The following CTNNA2 variants were observed in gnomAD, a reference collection of about 807,000 sequenced individuals.
The protein encoded by CTNNA2 is catenin alpha 2.
A neutral mutation model predicts 101.0 loss-of-function variants in CTNNA2; 42 were observed. The observed-to-expected ratio is 0.42, with a 90% CI of 0.32 to 0.54. The LOEUF is 0.54. Ranked by LOEUF, CTNNA2 falls within the 20% of genes least tolerant of loss-of-function variation. CTNNA2 has a pLI of 0.14. For synonymous variants in CTNNA2, 450 were observed against 456.4 expected (o/e 0.99, Z 0.18); for missense variants, 871 against 1,223.1 (o/e 0.71, Z 4.29).
chr2:79,274,283 T>C (rs986828705), intron 2 of CTNNA2, among the ~76,000 whole-genome samples: 27 of 152,166 alleles, frequency 1.8e-4, no homozygotes, highest in Admixed American at 1.8e-3. Context: ...GCTTAATTAG[T>C]ATTACAAAGT....
At chr2:80,285,663 G>T (rs1674704117) in intron 7 of CTNNA2, among the ~76,000 whole-genome samples, 1 of 152,138 alleles carries the variant, frequency 6.6e-6, no homozygotes, top group Non-Finnish European at 1.5e-5. Flanking sequence ...GAGAAGCCAG[G>T]ACTCCCAGTG....
chr2:80,236,503 T>C (rs1428472718), intron 7 of CTNNA2, among the ~76,000 whole-genome samples: 1 of 152,176 alleles, frequency 6.6e-6, no homozygotes, highest in Non-Finnish European at 1.5e-5. Context: ...GCCTTCTCAT[T>C]ACTTAGTGCC....
intron 2 of CTNNA2, among the ~76,000 whole-genome samples, chr2:79,718,669 C>A (rs1686266414): frequency 1.3e-5 from 2 of 152,116 alleles, no homozygotes. Context: ...TAGATTAAGA[C>A]CGTATATACA....
At chr2:79,685,084 C>G (rs1028564659) in intron 2 of CTNNA2, among the ~76,000 whole-genome samples, 2 of 152,034 alleles carry the variant, frequency 1.3e-5, no homozygotes, top group Non-Finnish European at 2.9e-5. Context: ...TAATAGATTT[C>G]CTGATATTAA....
chr2:79,260,655 C>T (rs571175910), intron 2 of CTNNA2, among the ~76,000 whole-genome samples: 2 of 152,234 alleles, frequency 1.3e-5, no homozygotes, highest in East Asian at 3.9e-4. Flanking sequence ...TCTTCAGGTT[C>T]GCACATTCTG....
At chr2:80,228,836 G>T (rs756251901) in intron 7 of CTNNA2, among the ~76,000 whole-genome samples, 1 of 152,112 alleles carries the variant, frequency 6.6e-6, no homozygotes, top group African/African-American at 2.4e-5. Context: ...CTTATGATTG[G>T]ACTAGCCTTG....
chr2:79,967,382 T>C (rs1222301754), intron 7 of CTNNA2, among the ~76,000 whole-genome samples: 1 of 152,118 alleles, frequency 6.6e-6, no homozygotes, highest in East Asian at 1.9e-4. Flanking sequence ...AGTCTTCTCC[T>C]TCAAAAGGTC....
chr2:79,669,815 C>T (rs569504306), intron 2 of CTNNA2, among the ~76,000 whole-genome samples: 1 of 152,200 alleles, frequency 6.6e-6, no homozygotes, highest in Non-Finnish European at 1.5e-5. Flanking sequence ...CTGGCTGAGC[C>T]CAGGGCTTTT....
chr2:80,501,304 C>G (rs1687861764), intron 9 of CTNNA2, among the ~76,000 whole-genome samples: 1 of 152,208 alleles, frequency 6.6e-6, no homozygotes, highest in Non-Finnish European at 1.5e-5. Context: ...AAAAATATAT[C>G]ACCGTAACTC....
rs147246331 is a variant in CTNNA2, at chr2:80,493,343, G to A, written c.1291-51639G>A. ...TGCAAATGTTGCCACGGTGATCAGCGTCTCTGGTTTCTCTGGGAACCCTCT... is the reference window on the plus strand; with the variant it reads ...TGCAAATGTTGCCACGGTGATCAGCATCTCTGGTTTCTCTGGGAACCCTCT... On this transcript the variant is annotated intron_variant, in intron 9 of 18. Transcript: ENST00000402739. Among the ~76,000 whole-genome samples the A allele has an allele frequency of 1.7e-4, 26 of 152,280 alleles. No homozygotes were observed. The South Asian group carries it at 2.1e-3, about 12-fold the overall frequency.
At chr2:80,371,407 T>C (rs973414642) in intron 7 of CTNNA2, among the ~76,000 whole-genome samples, 8 of 152,018 alleles carry the variant, frequency 5.3e-5, no homozygotes, top group African/African-American at 1.7e-4. Flanking sequence ...ATAAAGATAA[T>C]GATGATATAG....
chr2:79,489,368 G>T (rs947315987), intron 4 of CTNNA2, among the ~76,000 whole-genome samples: 3 of 152,118 alleles, frequency 2.0e-5, no homozygotes, highest in African/African-American at 7.2e-5. Context: ...AAGACTTGGG[G>T]ATATCTAAAT....
At chr2:80,083,444 A>T (rs1459684055) in intron 7 of CTNNA2, among the ~76,000 whole-genome samples, 1 of 152,144 alleles carries the variant, frequency 6.6e-6, no homozygotes, top group Non-Finnish European at 1.5e-5. Context: ...AGTTAGAACC[A>T]TTAAAGTTTC....
At chr2:79,989,281 G>A (rs187761721) in intron 7 of CTNNA2, among the ~76,000 whole-genome samples, 7 of 152,214 alleles carry the variant, frequency 4.6e-5, no homozygotes, top group African/African-American at 9.6e-5. Flanking sequence ...GCCTGCTCTC[G>A]GCTTTGAGAT....
intron 2 of CTNNA2, among the ~76,000 whole-genome samples, chr2:79,311,700 C>T (rs370308049): frequency 4.6e-5 from 7 of 152,056 alleles, no homozygotes; most frequent in East Asian, 1.9e-4. Context: ...CTCGGTGCTC[C>T]CCAATTCTGC....
chr2:80,174,068 G>C (rs1003454982), intron 7 of CTNNA2, among the ~76,000 whole-genome samples: 49 of 152,142 alleles, frequency 3.2e-4, no homozygotes, highest in African/African-American at 1.1e-3. Context: ...AGATTGATGA[G>C]TGGCACATGC....
At chr2:80,279,534 T>C (rs761730513) in intron 7 of CTNNA2, among the ~76,000 whole-genome samples, 31 of 152,180 alleles carry the variant, frequency 2.0e-4, no homozygotes, top group Non-Finnish European at 3.1e-4. Flanking sequence ...TATACAATAT[T>C]ATACTATTTA....
chr2:80,410,416 T>G (rs1679463208), intron 8 of CTNNA2, among the ~76,000 whole-genome samples: 1 of 152,238 alleles, frequency 6.6e-6, no homozygotes, highest in East Asian at 1.9e-4. Context: ...AGACTGGTAG[T>G]GCTGAGCTAA....
intron 3 of CTNNA2, among the ~76,000 whole-genome samples, chr2:79,839,853 T>C (rs2103834640): frequency 6.6e-6 from 1 of 152,302 alleles, no homozygotes; most frequent in Admixed American, 6.5e-5. Context: ...TTATATTATC[T>C]GAAGTTCTTG....
Sources: allele counts gnomAD v4.1 joint callset (sites outside exome capture counted in the v4.1 genomes callset), GRCh38; gene constraint gnomAD v4.1.1; transcripts MANE v1.5; gene names NCBI Gene and HGNC (gene_info 2026-07-23, HGNC 2026-07-21).